The following MYOM1 variants were observed in gnomAD, a reference collection of about 807,000 sequenced individuals.
MYOM1 encodes myomesin-1.
Under a neutral mutation model 205.3 loss-of-function variants are expected in MYOM1, and 164 were observed. The observed-to-expected ratio is 0.80, with a 90% CI of 0.70 to 0.91. The LOEUF (loss-of-function observed/expected upper bound fraction) is 0.91, where lower values mean the gene tolerates loss of function less well. MYOM1 is among the 40% of genes least tolerant of loss of function. MYOM1 has a pLI of 0.00. For synonymous variants in MYOM1, 772 were observed against 789.4 expected, an observed-to-expected ratio of 0.98 and a Z score of 0.37; for missense variants, 2,011 against 2,127.3, an observed-to-expected ratio of 0.95 and a Z score of 1.08.
chr18:3,211,757 TA>T (rs1167198083), intron 2 of MYOM1, among the ~76,000 whole-genome samples: 3 of 152,360 alleles, frequency 2.0e-5, no homozygotes, highest in South Asian at 2.1e-4. Context: ...GCACTGACAG[TA>T]AACTAGTCAT....
Position 3,067,417 on chromosome 18 carries a change from C to A in MYOM1, c.4903G>T (p.Gly1635Cys), listed in dbSNP as rs200773357. The change falls in exon 38 of 38, where the codon GGC (glycine) becomes TGC (cysteine). Residue 1635 changes from glycine (G) to cysteine (C), a missense_variant. Transcript: ENST00000356443. ...AGRTAYFTIN[G>C]VSTADSGKYG... ...TTGCCCGAGTCAGCGGTGCTCACGCCGTTGATGGTGAAGTACGCGGTCCTC... is the reference window on the plus strand; with the variant it reads ...TTGCCCGAGTCAGCGGTGCTCACGCAGTTGATGGTGAAGTACGCGGTCCTC... 3.7e-6 allele frequency: 6 copies of A among 1,613,480 alleles called. No individual in the cohort carries two copies. The South Asian group carries it at 5.5e-5, about 15-fold the overall frequency.
chr18:3,103,678 T>C (rs1257278980), intron 22 of MYOM1, among the ~76,000 whole-genome samples: 2 of 152,186 alleles, frequency 1.3e-5, no homozygotes, highest in African/African-American at 4.8e-5. Flanking sequence ...GAATTGAATA[T>C]TTTCTGTCTG....
At chr18:3,154,848 A>G in intron 11 of MYOM1, 99 bp downstream of exon 11, 1 of 1,339,234 alleles carries the variant, frequency 7.5e-7, no homozygotes, top group Non-Finnish European at 1.0e-6. Context: ...AGGAGAGGAA[A>G]GCCAGAAAAG....
intron 2 of MYOM1, among the ~76,000 whole-genome samples, chr18:3,197,171 C>CT (rs2080999868): frequency 6.8e-6 from 1 of 146,432 alleles, no homozygotes; most frequent in Non-Finnish European, 1.5e-5. Flanking sequence ...GAGTCTCACT[C>CT]TGTCACCCAG....
rs1555613639 is a variant in MYOM1 at position 3,072,370 on chromosome 18, T to TG, written c.4709-482_4709-481insC. 2.6e-5 allele frequency among the ~76,000 whole-genome samples: 3 copies of TG among 115,940 alleles called. 1 individual carries two copies. The highest frequency in any genetic ancestry group is 5.3e-5 in the Non-Finnish European group (3 of 56,592). 76.1% of individuals were successfully genotyped at this position (115,940 alleles called of 152,430 possible). ...CCCGGCTTTTTTTTTTTTTTTTTTT[T>TG]TGAGGCAGAGTCTCGCTCTGTCACC... On this transcript the variant is annotated intron_variant, in intron 36 of 37. Coordinates refer to ENST00000356443, the MANE Select transcript of MYOM1 (RefSeq NM_003803.4).
chr18:3,126,693 G>A lies in MYOM1; in HGVS notation c.2991+8C>T, dbSNP rs138916150. On this transcript the variant is annotated splice_region_variant and intron_variant, in intron 19 of 37. Coordinates refer to ENST00000356443, the MANE Select transcript of MYOM1 (RefSeq NM_003803.4). ...GACACGCCACACTACAGAAAGTCACGTGCTTACCTTGTATGCCTCCTCACT... is the reference window on the plus strand; with the variant it reads ...GACACGCCACACTACAGAAAGTCACATGCTTACCTTGTATGCCTCCTCACT... The A allele has an allele frequency of 1.1e-5, 18 of 1,608,776 alleles. No individual in the cohort carries two copies. Among genetic ancestry groups the A allele is most frequent in the Middle Eastern group, 1.6e-4 (1 of 6,074 alleles).
intron 37 of MYOM1, 82 bp downstream of exon 37, chr18:3,071,752 C>T (rs878948438): frequency 1.3e-5 from 18 of 1,412,086 alleles, no homozygotes; most frequent in Admixed American, 7.9e-5. Flanking sequence ...TTAAGTGTGC[C>T]TTAAAAGAAG....
chr18:3,095,027 A>C (rs1426430055), intron 25 of MYOM1, among the ~76,000 whole-genome samples: 1 of 151,970 alleles, frequency 6.6e-6, no homozygotes, highest in Non-Finnish European at 1.5e-5. Flanking sequence ...ATTTCTTTGT[A>C]TTTATTTTAA....
At chr18:3,159,723 C>T (rs531293711) in intron 10 of MYOM1, among the ~76,000 whole-genome samples, 3 of 151,784 alleles carry the variant, frequency 2.0e-5, no homozygotes, top group East Asian at 1.9e-4. Flanking sequence ...CAAAGAAGGC[C>T]GACATAAAAA....
At chr18:3,214,418 T>C (rs1412229680) in intron 2 of MYOM1, among the ~76,000 whole-genome samples, 2 of 152,142 alleles carry the variant, frequency 1.3e-5, no homozygotes, top group Non-Finnish European at 2.9e-5. Flanking sequence ...ACCAGGCTCT[T>C]AGTGAAGCTA....
the MYOM1 span, chr18:3,236,563 C>G: frequency 1.3e-5 from 2 of 152,138 alleles, no homozygotes; most frequent in Non-Finnish European, 2.9e-5. Flanking sequence ...TCGGCCTGAG[C>G]AACTTAAAGG....
At chr18:3,191,910 A>G (rs139566265) in intron 3 of MYOM1, among the ~76,000 whole-genome samples, 2,289 of 152,084 alleles carry the variant, frequency 0.015, 49 homozygotes, top group African/African-American at 0.053. Flanking sequence ...GTTAGCCAGG[A>G]TGGTCTCAAT....
chr18:3,164,551 A>G (rs1426106602), intron 9 of MYOM1, 112 bp from the exon 10 acceptor site: 1 of 1,041,208 alleles, frequency 9.6e-7, no homozygotes, highest in Non-Finnish European at 1.4e-6. Context: ...TAATTTAACT[A>G]CTAGAGGAAG....
rs1289602789 is a variant in MYOM1 at position 3,089,765 on chromosome 18, TA to T, written c.4010-170del. Among the ~76,000 whole-genome samples, 3 of 152,310 alleles carry T rather than the reference TA, an allele frequency of 2.0e-5. No individual in the cohort carries two copies. The East Asian group carries it at 5.8e-4, about 29-fold the overall frequency. The stretch of plus-strand genomic sequence containing the variant: ...AAGAAATAGGCTTAGGAAGGTTAAA[TA>T]AATTGTACAAGGTCATAAAGCTAGG... On this transcript the variant is annotated intron_variant, in intron 27 of 37. Coordinates refer to ENST00000356443, the MANE Select transcript of MYOM1 (RefSeq NM_003803.4).
intron 9 of MYOM1, among the ~76,000 whole-genome samples, chr18:3,167,556 G>C (rs939645853): frequency 6.6e-6 from 1 of 152,014 alleles, no homozygotes; most frequent in African/African-American, 2.4e-5. Context: ...GCTAATTTTT[G>C]TATTTTTTGG....
chr18:3,157,372 T>C (rs532529900), intron 10 of MYOM1, among the ~76,000 whole-genome samples: 4 of 152,240 alleles, frequency 2.6e-5, no homozygotes, highest in South Asian at 4.2e-4. Flanking sequence ...AGTACTCTTC[T>C]AGGTGTTAAC....
intron 10 of MYOM1, among the ~76,000 whole-genome samples, chr18:3,163,041 A>C (rs2080417715): frequency 6.6e-6 from 1 of 152,042 alleles, no homozygotes. Flanking sequence ...AAACAAAAAA[A>C]AACAAAAAAC....
intron 37 of MYOM1, among the ~76,000 whole-genome samples, chr18:3,068,860 T>G (rs2078928584): frequency 6.6e-6 from 1 of 152,206 alleles, no homozygotes; most frequent in South Asian, 2.1e-4. Flanking sequence ...AAGCTGTCAT[T>G]TCTCTGGGAT....
upstream of MYOM1, among the ~76,000 whole-genome samples, chr18:3,222,881 A>AT (rs111681384): frequency 0.041 from 6,202 of 150,190 alleles, 138 homozygotes; most frequent in African/African-American, 0.048. Flanking sequence ...CTAAATCTCA[A>AT]TTTTTTTTTT....
Sources: gnomAD v4.1 joint callset for allele counts (sites outside exome capture counted in the v4.1 genomes callset) on GRCh38, gnomAD v4.1.1 for gene constraint, MANE v1.5 for transcripts, NCBI Gene and HGNC (gene_info 2026-07-23, HGNC 2026-07-21) for gene names.